The following FAM107B variants were observed in gnomAD, a reference collection of about 807,000 sequenced individuals.
FAM107B encodes protein FAM107B.
In FAM107B, 21 loss-of-function variants were observed where a neutral mutation model predicts 31.5. The observed-to-expected ratio is 0.67, with a 90% CI of 0.47 to 0.96. The LOEUF (loss-of-function observed/expected upper bound fraction) is 0.96. Among genes scored for constraint, FAM107B ranks in the 40% least tolerant of loss-of-function variants. FAM107B has a pLI of 0.00. For synonymous variants in FAM107B, 157 were observed against 141.5 expected, an observed-to-expected ratio of 1.11 and a Z score of -0.78; for missense variants, 452 against 377.1, an observed-to-expected ratio of 1.20 and a Z score of -1.64.
intron 1 of FAM107B, among the ~76,000 whole-genome samples, chr10:14,753,372 G>A (rs896687460): frequency 6.6e-6 from 1 of 152,150 alleles, no homozygotes; most frequent in South Asian, 2.1e-4. Context: ...TTAAAACCCC[G>A]TTACATCAAA....
In FAM107B at chr10:14,627,030, G is replaced by A. The variant is rs375187066; in HGVS notation, c.469+40604C>T. The stretch of plus-strand genomic sequence containing the variant: ...TCTCATCAACATCTCTTACCTCTCC[G>A]GATGCTCTTAATTAGATATGACCAT... On this transcript the variant is annotated intron_variant, in intron 2 of 4. Transcript: ENST00000181796. 5.9e-5 allele frequency among the ~76,000 whole-genome samples: 9 copies of A among 152,008 alleles called. No individual in the cohort carries two copies. In the South Asian group the frequency reaches 1.5e-3, roughly 25 times the overall value.
chr10:14,535,968 A>G (rs1456809504), intron 2 of FAM107B, among the ~76,000 whole-genome samples: 1 of 152,202 alleles, frequency 6.6e-6, no homozygotes, highest in Non-Finnish European at 1.5e-5. Flanking sequence ...CTCTCTGGCT[A>G]TCCCAGGTAC....
intron 2 of FAM107B, chr10:14,572,125 T>C: frequency 1.0e-6 from 1 of 985,402 alleles, no homozygotes; most frequent in Non-Finnish European, 1.2e-6. Flanking sequence ...CTCTAGCAAC[T>C]TCTGAAAGCA....
chr10:14,744,584 T>C (rs1050949039), intron 1 of FAM107B, among the ~76,000 whole-genome samples: 2 of 152,208 alleles, frequency 1.3e-5, no homozygotes, highest in African/African-American at 4.8e-5. Context: ...GAAGGCCTTT[T>C]CTGTGTCTAT....
intron 2 of FAM107B, among the ~76,000 whole-genome samples, chr10:14,655,339 G>A (rs1301846239): frequency 6.6e-6 from 1 of 152,232 alleles, no homozygotes; most frequent in Non-Finnish European, 1.5e-5. Context: ...AGTAGTCAAA[G>A]AAGATAGTTT....
intron 2 of FAM107B, among the ~76,000 whole-genome samples, chr10:14,596,837 C>A (rs571701850): frequency 1.7e-4 from 26 of 152,248 alleles, no homozygotes; most frequent in African/African-American, 6.0e-4. Context: ...CCAGAGCATT[C>A]CCTAGAAGGA....
chr10:14,640,708 C>T (rs886749653), intron 2 of FAM107B, among the ~76,000 whole-genome samples: 2 of 152,092 alleles, frequency 1.3e-5, no homozygotes, highest in Non-Finnish European at 2.9e-5. Context: ...AGATGGTGCA[C>T]CTCAACCCCT....
rs1243250677 is a variant in FAM107B, at chr10:14,520,608, T to A, written c.*582A>T. On this transcript the variant is annotated 3_prime_UTR_variant, in exon 5 of 5. Transcript: ENST00000181796. ...CTTCTCACCCTATTTCTAAATTAAG[T>A]GCCAACAAGGGTAGTGGCTGTGCTC... The A allele has an allele frequency of 2.0e-5, 3 of 152,240 alleles. No individual in the cohort carries two copies. Among genetic ancestry groups the A allele is most frequent in the African/African-American group, 7.2e-5 (3 of 41,452 alleles). 9.4% of individuals were successfully genotyped at this position (152,240 alleles called of 1,614,324 possible).
intron 3 of FAM107B, chr10:14,528,174 G>GTTTTTT (rs34584902): frequency 2.7e-4 from 18 of 67,758 alleles, no homozygotes; most frequent in Admixed American, 4.8e-4. Flanking sequence ...TTAAGTTTTG[G>GTTTTTT]TTTTTTTTTT....
chr10:14,774,221 C>T (rs1640590744), intron 1 of FAM107B, 32 bp downstream of exon 1: 2 of 1,570,380 alleles, frequency 1.3e-6, no homozygotes, highest in South Asian at 1.2e-5. Context: ...AGCTCCATCC[C>T]GTCTATAATC....
intron 1 of FAM107B, among the ~76,000 whole-genome samples, chr10:14,675,345 G>A (rs538678031): frequency 6.6e-6 from 1 of 152,106 alleles, no homozygotes; most frequent in Admixed American, 6.5e-5. Flanking sequence ...TCATTTGTCT[G>A]GTGGATAGGT....
rs1187669882 is a variant in FAM107B, at chr10:14,559,936, GAAT to G, written c.470-29424_470-29422del. 3.9e-5 allele frequency among the ~76,000 whole-genome samples: 6 copies of G among 152,108 alleles called. No individual in the cohort carries two copies. The East Asian group carries it at 9.6e-4, about 24-fold the overall frequency. ...TAAGAGCCTTCTCTAAATGTGGAGA[GAAT>G]AATACTAGTATAAACCTCAACCTCC... On this transcript the variant is annotated intron_variant, in intron 2 of 4. Coordinates refer to ENST00000181796, the MANE Select transcript of FAM107B (RefSeq NM_031453.4).
intron 1 of FAM107B, among the ~76,000 whole-genome samples, chr10:14,694,053 C>T (rs765333644): frequency 2.6e-5 from 4 of 152,134 alleles, no homozygotes; most frequent in Non-Finnish European, 5.9e-5. Context: ...GCTGGACCTT[C>T]TTTTTTAAGG....
intron 2 of FAM107B, among the ~76,000 whole-genome samples, chr10:14,560,671 A>G (rs1285214180): frequency 6.6e-6 from 1 of 152,222 alleles, no homozygotes; most frequent in Non-Finnish European, 1.5e-5. Context: ...TTTTAGGCCC[A>G]TGGATTAAAA....
At chr10:14,605,374 CG>C (rs1852562777) in intron 2 of FAM107B, among the ~76,000 whole-genome samples, 1 of 152,130 alleles carries the variant, frequency 6.6e-6, no homozygotes, top group Non-Finnish European at 1.5e-5. Flanking sequence ...AAACAGTTAT[CG>C]GTTTCAGCGT....
intron 1 of FAM107B, among the ~76,000 whole-genome samples, chr10:14,735,062 G>A (rs1398079821): frequency 6.6e-6 from 1 of 152,166 alleles, no homozygotes; most frequent in Non-Finnish European, 1.5e-5. Context: ...CTGTCTCCAG[G>A]CTTCTCTTGC....
At position 14,528,174 on chromosome 10, in the gene FAM107B, G is replaced by GTTTTT. The variant is rs34584902; in HGVS notation, c.653+2153_653+2157dup. On this transcript the variant is annotated intron_variant, in intron 3 of 4. Transcript: ENST00000181796. ...ACGCTATTATTTACTTTAAGTTTTG[G>GTTTTT]TTTTTTTTTTTTTTTTTTTTTTTTA... 3.1e-4 allele frequency: 21 copies of GTTTTT among 67,742 alleles called. 1 individual carries two copies. Among genetic ancestry groups the GTTTTT allele is most frequent in the South Asian group, 7.6e-4 (2 of 2,618 alleles). 4.2% of individuals were successfully genotyped at this position (67,742 alleles called of 1,614,324 possible). A position where few individuals can be genotyped will look rare whatever the true frequency, so the allele number is the denominator to read the frequency against.
chr10:14,572,247 G>A (rs929477846), intron 2 of FAM107B: 6 of 985,334 alleles, frequency 6.1e-6, no homozygotes, highest in African/African-American at 3.5e-5. Flanking sequence ...CCAAGAGAAC[G>A]TGCTGGCAGC....
intron 2 of FAM107B, chr10:14,653,740 T>C (rs1454504076): frequency 6.6e-6 from 1 of 152,136 alleles, no homozygotes; most frequent in Admixed American, 6.5e-5. Flanking sequence ...CACAGTAAAA[T>C]GTAACCGCGG....
Sources: allele counts gnomAD v4.1 joint callset (sites outside exome capture counted in the v4.1 genomes callset), GRCh38; gene constraint gnomAD v4.1.1; transcripts MANE v1.5; gene names NCBI Gene and HGNC (gene_info 2026-07-23, HGNC 2026-07-21).